Variants in DENND2C observed in about 807,000 individuals in gnomAD.
The protein encoded by DENND2C is DENN domain-containing protein 2C.
Under a neutral mutation model 112.4 loss-of-function variants are expected in DENND2C, and 72 were observed. That is an observed-to-expected ratio of 0.64 (90% CI 0.53 to 0.78). The LOEUF (loss-of-function observed/expected upper bound fraction) is 0.78, where lower values mean the gene tolerates loss of function less well. Ranked by LOEUF, DENND2C falls within the 30% of genes least tolerant of loss-of-function variation. DENND2C has a pLI of 0.00. For synonymous variants in DENND2C, 329 were observed against 381.6 expected (o/e 0.86, Z 1.61); for missense variants, 992 against 1,113.8 (o/e 0.89, Z 1.56).
At chr1:114,635,422 T>A (rs1029410558) in intron 3 of DENND2C, among the ~76,000 whole-genome samples, 60 of 152,022 alleles carry the variant, frequency 3.9e-4, no homozygotes, top group African/African-American at 1.4e-3. Context: ...TTGACAGATC[T>A]CTAGGCAAAG....
At chr1:114,643,554 C>T (rs1183825185) in intron 3 of DENND2C, among the ~76,000 whole-genome samples, 1 of 152,160 alleles carries the variant, frequency 6.6e-6, no homozygotes, top group African/African-American at 2.4e-5. Context: ...TCAAAGCAAG[C>T]ACATACAGGA....
intron 1 of DENND2C, among the ~76,000 whole-genome samples, chr1:114,657,279 T>C (rs1657360351): frequency 6.6e-6 from 1 of 152,262 alleles, no homozygotes; most frequent in African/African-American, 2.4e-5. Context: ...TTGTTTCTTA[T>C]CGTACCATAT....
intron 1 of DENND2C, among the ~76,000 whole-genome samples, chr1:114,666,545 T>C (rs1352341327): frequency 6.6e-6 from 1 of 152,178 alleles, no homozygotes; most frequent in Non-Finnish European, 1.5e-5. Flanking sequence ...AACCTCTGAC[T>C]CCCTGGTTCA....
At chr1:114,660,437 T>G (rs1013377559) in intron 1 of DENND2C, among the ~76,000 whole-genome samples, 2 of 152,172 alleles carry the variant, frequency 1.3e-5, no homozygotes, top group Admixed American at 6.5e-5. Context: ...GAGGGAAAGC[T>G]CCAAGCTTTC....
rs934685825 is a variant in DENND2C at position 114,599,153 on chromosome 1, T to C, written c.2283+121A>G. 15 of 677,172 alleles carry C rather than the reference T, an allele frequency of 2.2e-5. No individual in the cohort carries two copies. In the East Asian group the frequency reaches 5.1e-4, roughly 23 times the overall value. 41.9% of individuals were successfully genotyped at this position (677,172 alleles called of 1,614,324 possible). On this transcript the variant is annotated intron_variant, in intron 16 of 20. Coordinates refer to ENST00000393274, the MANE Select transcript of DENND2C (RefSeq NM_001256404.2). Reference sequence around the variant, plus strand: ...AAACAGCAATATTATAATAATTTAATAGAAATATTATAAATAGCATAAAAT... The same window carrying C: ...AAACAGCAATATTATAATAATTTAACAGAAATATTATAAATAGCATAAAAT...
intron 1 of DENND2C, among the ~76,000 whole-genome samples, chr1:114,660,571 G>A (rs1172820549): frequency 6.6e-6 from 1 of 152,174 alleles, no homozygotes; most frequent in East Asian, 1.9e-4. Context: ...GTTGGAAGGT[G>A]CTTTGAGGAG....
intron 7 of DENND2C, among the ~76,000 whole-genome samples, chr1:114,621,424 A>T (rs974014228): frequency 8.5e-5 from 13 of 152,232 alleles, no homozygotes; most frequent in Non-Finnish European, 1.8e-4. Context: ...GATAATTTCC[A>T]TTCCCAAGTA....
intron 5 of DENND2C, 96 bp from the exon 6 acceptor site, chr1:114,623,195 C>A: frequency 8.6e-7 from 1 of 1,159,228 alleles, no homozygotes. Flanking sequence ...CTATGTTCAG[C>A]TTTCTTATTC....
chr1:114,621,731 T>C (rs1168704645), intron 7 of DENND2C, among the ~76,000 whole-genome samples, 164 bp downstream of exon 7: 1 of 152,216 alleles, frequency 6.6e-6, no homozygotes, highest in Non-Finnish European at 1.5e-5. Flanking sequence ...TTCATGCACT[T>C]CTCTAGCATG....
At chr1:114,606,761 C>G (rs1306896983) in intron 10 of DENND2C, among the ~76,000 whole-genome samples, 1 of 152,128 alleles carries the variant, frequency 6.6e-6, no homozygotes, top group Non-Finnish European at 1.5e-5. Flanking sequence ...TCCCAGACAC[C>G]CAGGTGCTGC....
At position 114,611,040 on chromosome 1, in the gene DENND2C, C is replaced by T. The variant is rs370882986; in HGVS notation, c.1369+33G>A. ...CACTCCACCTAACCCATGATCATCA[C>T]AACAACGGGAGCAGCCCCATTGACT... On this transcript the variant is annotated intron_variant, in intron 9 of 20. Coordinates refer to ENST00000393274, the MANE Select transcript of DENND2C (RefSeq NM_001256404.2). 10 of 1,613,776 alleles carry T rather than the reference C, an allele frequency of 6.2e-6. No homozygotes were observed. The African/African-American group carries it at 1.3e-4, about 22-fold the overall frequency.
At chr1:114,667,096 T>C (rs1013543132) in intron 1 of DENND2C, among the ~76,000 whole-genome samples, 16 of 152,166 alleles carry the variant, frequency 1.1e-4, no homozygotes, top group African/African-American at 3.9e-4. Context: ...TGCACACTTA[T>C]CCCTGGTTTT....
intron 3 of DENND2C, among the ~76,000 whole-genome samples, chr1:114,641,495 A>G (rs1656835770): frequency 6.6e-6 from 1 of 152,044 alleles, no homozygotes; most frequent in African/African-American, 2.4e-5. Flanking sequence ...CCCTAAGGTA[A>G]CAAGTGAGTT....
At chr1:114,620,525 C>T (rs746244981) in intron 7 of DENND2C, among the ~76,000 whole-genome samples, 3 of 152,136 alleles carry the variant, frequency 2.0e-5, no homozygotes, top group Admixed American at 6.5e-5. Context: ...ATAAGAACCA[C>T]ATCTTAAATG....
chr1:114,656,500 G>A (rs1263894933), intron 1 of DENND2C, among the ~76,000 whole-genome samples: 2 of 151,010 alleles, frequency 1.3e-5, no homozygotes, highest in East Asian at 1.9e-4. Flanking sequence ...GGGATCAAGC[G>A]ATTCTCCTGC....
At chr1:114,659,659 C>T (rs1657434712) in intron 1 of DENND2C, among the ~76,000 whole-genome samples, 1 of 152,184 alleles carries the variant, frequency 6.6e-6, no homozygotes, top group Non-Finnish European at 1.5e-5. Flanking sequence ...CTGCCAAAAG[C>T]AGCAACTTTG....
At chr1:114,660,055 G>C (rs1205336550) in intron 1 of DENND2C, among the ~76,000 whole-genome samples, 1 of 152,138 alleles carries the variant, frequency 6.6e-6, no homozygotes, top group African/African-American at 2.4e-5. Flanking sequence ...CCTTCCAAGT[G>C]CTGGGATTAA....
At position 114,625,287 on chromosome 1, in the gene DENND2C, C is replaced by T. The variant is rs757874215; in HGVS notation, c.698G>A (p.Cys233Tyr). 7 of 1,614,014 alleles carry T rather than the reference C, an allele frequency of 4.3e-6. No individual in the cohort carries two copies. In the African/African-American group the frequency reaches 9.3e-5, roughly 22 times the overall value. Residue 233 changes from cysteine (C) to tyrosine (Y), a missense_variant, in exon 4 of 21, where the codon TGT becomes TAT. Physicochemically the swap from Cys to Tyr is radical, Grantham distance 194 (BLOSUM62 -2). This residue lies in a region of DENND2C where 470 missense variants were observed against 472.7 expected (regional missense o/e 0.99). Coordinates refer to ENST00000393274, the MANE Select transcript of DENND2C (RefSeq NM_001256404.2). ...GTTATTTTCACAGTATTTTTTGTCACAGTTTCTTTCTTTATACGGCGTAAC... is the reference window on the plus strand; with the variant it reads ...GTTATTTTCACAGTATTTTTTGTCATAGTTTCTTTCTTTATACGGCGTAAC... Reference protein sequence around the residue: ...SGVTPYKERNCDKKYCENNSC... With the variant: ...SGVTPYKERNYDKKYCENNSC...
At chr1:114,642,214 G>C (rs138842233) in intron 3 of DENND2C, among the ~76,000 whole-genome samples, 4,011 of 152,216 alleles carry the variant, frequency 0.026, 94 homozygotes, top group Non-Finnish European at 0.034. Flanking sequence ...GCCTCCCAAA[G>C]TGCTAGGATT....
Sources: gnomAD v4.1 joint callset for allele counts (sites outside exome capture counted in the v4.1 genomes callset) on GRCh38, gnomAD v4.1.1 for gene constraint, gnomAD v4.1.1 regional missense constraint, MANE v1.5 for transcripts, NCBI Gene and HGNC (gene_info 2026-07-23, HGNC 2026-07-21) for gene names.